CADM2: variants seen among roughly 807,000 people sequenced by gnomAD.
CADM2 encodes the protein immunoglobulin superfamily member 4D.
In CADM2, 12 loss-of-function variants were observed where a neutral mutation model predicts 49.8. The ratio of observed to expected loss-of-function variants is 0.24; its 90% CI spans 0.15 to 0.39. The LOEUF is 0.39. Among genes scored for constraint, CADM2 ranks in the 10% least tolerant of loss-of-function variants. The pLI, the probability that CADM2 is intolerant of heterozygous loss-of-function variation, is 1.00. For missense variants in CADM2, 378 were observed against 492.3 expected (o/e 0.77, Z 2.20); for synonymous variants, 214 against 175.4 (o/e 1.22, Z -1.74).
In CADM2 at chr3:85,537,518, G is replaced by A. The variant is rs191822844; in HGVS notation, c.62-189004G>A. Among the ~76,000 whole-genome samples the A allele has an allele frequency of 4.3e-4, 65 of 151,360 alleles. No homozygotes were observed. The East Asian group carries it at 0.012, about 27-fold the overall frequency. On this transcript the variant is annotated intron_variant, in intron 1 of 9. Transcript: ENST00000383699. ...TTTGTGTGTGTGTGTGTGTGTGTGC[G>A]TGTGCAAGAAATAACATGTTAATAT...
At chr3:85,598,162 A>T (rs1432706308) in intron 1 of CADM2, among the ~76,000 whole-genome samples, 2 of 152,144 alleles carry the variant, frequency 1.3e-5, no homozygotes, top group East Asian at 3.9e-4. Flanking sequence ...GCTAACTAAA[A>T]AATAAAATAA....
chr3:85,494,878 C>T (rs929405287), intron 1 of CADM2, among the ~76,000 whole-genome samples: 2 of 152,098 alleles, frequency 1.3e-5, no homozygotes, highest in Non-Finnish European at 2.9e-5. Flanking sequence ...GCTGATGTCA[C>T]AATGCGGATG....
chr3:85,567,701 G>A lies in CADM2; in HGVS notation c.62-158821G>A, dbSNP rs551348216. 1.3e-3 allele frequency among the ~76,000 whole-genome samples: 200 copies of A among 152,166 alleles called. 1 individual carries two copies. The highest frequency in any genetic ancestry group is 2.3e-3 in the Non-Finnish European group (158 of 68,000). On this transcript the variant is annotated intron_variant, in intron 1 of 9. Coordinates refer to ENST00000383699, the MANE Select transcript of CADM2 (RefSeq NM_001167675.2). ...GAGAAGGCAATTTTTAGGAAAATTG[G>A]CTCACACAATTATGGAGGCTTAAGA... is the stretch of plus-strand genomic sequence containing the variant.
intron 1 of CADM2, among the ~76,000 whole-genome samples, chr3:85,222,549 C>T (rs894249979): frequency 3.9e-5 from 6 of 152,264 alleles, no homozygotes; most frequent in Non-Finnish European, 5.9e-5. Context: ...TCACCTCTTT[C>T]GCTGTCACAT....
chr3:85,066,307 T>C (rs905914866), intron 1 of CADM2, among the ~76,000 whole-genome samples: 38 of 151,436 alleles, frequency 2.5e-4, no homozygotes, highest in Admixed American at 1.3e-4. Context: ...TTCCCAAATC[T>C]GGCCCACCAT....
intron 1 of CADM2, among the ~76,000 whole-genome samples, chr3:85,537,623 TG>T: frequency 2.4e-5 from 1 of 42,504 alleles, no homozygotes; most frequent in East Asian, 7.1e-3. Flanking sequence ...TAACATGTCA[TG>T]ACTATTTAAC....
At chr3:85,818,896 T>G (rs1004038388) in intron 3 of CADM2, among the ~76,000 whole-genome samples, 2 of 141,976 alleles carry the variant, frequency 1.4e-5, no homozygotes, top group Non-Finnish European at 2.9e-5. Flanking sequence ...ACTAATAGGA[T>G]AGACGTATAT....
At chr3:85,031,660 A>G (rs28465575) in intron 1 of CADM2, among the ~76,000 whole-genome samples, 2,845 of 151,608 alleles carry the variant, frequency 0.019, 41 homozygotes, top group African/African-American at 0.036. Flanking sequence ...GACTACAGGC[A>G]CACGCCACCA....
rs116929207 is a variant in CADM2, at chr3:85,241,369, G to T, written c.61+281701G>T. On this transcript the variant is annotated intron_variant, in intron 1 of 9. Transcript: ENST00000383699. ...CTGGCTTTATAAGAAGAAATAGTCT[G>T]GGAGAAAGGAATTGCATACAAGGTA... 4.0e-5 allele frequency among the ~76,000 whole-genome samples: 6 copies of T among 151,608 alleles called. No homozygotes were observed. In the East Asian group the frequency reaches 1.2e-3, roughly 29 times the overall value.
chr3:85,731,016 T>C (rs971001779), intron 2 of CADM2, among the ~76,000 whole-genome samples: 6 of 152,158 alleles, frequency 3.9e-5, no homozygotes, highest in Non-Finnish European at 8.8e-5. Context: ...TAAATTGAGA[T>C]ATATATGGTT....
intron 1 of CADM2, among the ~76,000 whole-genome samples, chr3:85,539,459 C>A (rs12495242): frequency 0.06 from 9,110 of 152,024 alleles, 625 homozygotes; most frequent in African/African-American, 0.17. Flanking sequence ...GCCTAGTGTA[C>A]AGAAATTCCT....
chr3:85,375,479 A>C (rs1388647050), intron 1 of CADM2, among the ~76,000 whole-genome samples: 3 of 152,188 alleles, frequency 2.0e-5, no homozygotes, highest in African/African-American at 7.2e-5. Context: ...ATAACCTTGA[A>C]ATTTTGATGC....
At chr3:85,195,474 T>A (rs72909193) in intron 1 of CADM2, among the ~76,000 whole-genome samples, 11,113 of 151,780 alleles carry the variant, frequency 0.073, 1,349 homozygotes, top group African/African-American at 0.25. Flanking sequence ...CCTGTGAGAC[T>A]CTGAGACAGT....
intron 3 of CADM2, among the ~76,000 whole-genome samples, chr3:85,853,083 T>A (rs1222624457): frequency 6.6e-6 from 1 of 152,052 alleles, no homozygotes; most frequent in Non-Finnish European, 1.5e-5. Context: ...GCTGGGACAG[T>A]GATTTAAACA....
intron 1 of CADM2, among the ~76,000 whole-genome samples, chr3:85,161,429 G>C (rs2040320349): frequency 6.6e-6 from 1 of 152,096 alleles, no homozygotes; most frequent in African/African-American, 2.4e-5. Context: ...TCCTATGGCA[G>C]GGCTGGGATC....
chr3:85,946,330 A>G (rs1722686059), intron 7 of CADM2, among the ~76,000 whole-genome samples: 1 of 150,680 alleles, frequency 6.6e-6, no homozygotes, highest in Non-Finnish European at 1.5e-5. Context: ...GGAAGAATCA[A>G]TATGGTGAAA....
chr3:85,637,657 G>T (rs1411230587), intron 1 of CADM2, among the ~76,000 whole-genome samples: 1 of 121,826 alleles, frequency 8.2e-6, no homozygotes, highest in Non-Finnish European at 1.7e-5. Context: ...ATAAATAAAA[G>T]GTATTATTTA....
At chr3:85,697,403 A>G (rs2066602375) in intron 1 of CADM2, among the ~76,000 whole-genome samples, 1 of 152,106 alleles carries the variant, frequency 6.6e-6, no homozygotes, top group African/African-American at 2.4e-5. Flanking sequence ...GTTGAAGTAG[A>G]TATACAATAT....
chr3:84,959,774 C>G lies in CADM2; in HGVS notation c.61+106C>G, dbSNP rs566657334. On this transcript the variant is annotated intron_variant, in intron 1 of 9. Transcript: ENST00000383699. ...CCCCTCCCAGTCTCCCTGTCCCCAG[C>G]GATTTCCACCCCCTCCCCCTACTCT... 1.7e-5 allele frequency: 18 copies of G among 1,039,294 alleles called. No individual in the cohort carries two copies. The East Asian group carries it at 4.2e-4, about 24-fold the overall frequency. The allele number at this position is 1,039,294 out of a possible 1,614,324, so 64.4% of individuals were successfully genotyped here.
Sources: gnomAD v4.1 joint callset for allele counts (sites outside exome capture counted in the v4.1 genomes callset) on GRCh38, gnomAD v4.1.1 for gene constraint, MANE v1.5 for transcripts, NCBI Gene and HGNC (gene_info 2026-07-23, HGNC 2026-07-21) for gene names.